Variants in TAB2 observed in about 807,000 individuals in gnomAD.
TAB2 encodes TGF-beta activated kinase 1 (MAP3K7) binding protein 2.
A neutral mutation model predicts 65.0 loss-of-function variants in TAB2; 3 were observed. That is an observed-to-expected ratio of 0.05 (90% CI 0.02 to 0.12). TAB2 has a LOEUF of 0.12. Ranked by LOEUF, TAB2 falls within the 10% of genes least tolerant of loss-of-function variation. The probability of loss-of-function intolerance (pLI) is 1.00; values close to 1 mark genes in which losing one functional copy is unlikely to be tolerated. For synonymous variants in TAB2, 298 were observed against 285.1 expected (o/e 1.05, Z -0.46); for missense variants, 623 against 840.3 (o/e 0.74, Z 3.20).
intron 1 of TAB2, among the ~76,000 whole-genome samples, chr6:149,294,620 A>G (rs1778842557): frequency 6.6e-6 from 1 of 152,270 alleles, no homozygotes; most frequent in African/African-American, 2.4e-5. Flanking sequence ...TCTTCCTCCT[A>G]TCTAATTCCA....
intron 1 of TAB2, chr6:149,246,435 A>G (rs1777719455): frequency 6.6e-6 from 1 of 152,176 alleles, no homozygotes; most frequent in South Asian, 2.1e-4. Flanking sequence ...CCACCTACCT[A>G]ATTTGCACCA....
rs946564596 is a variant in TAB2, at chr6:149,409,933, C to T, written c.*214C>T. The T allele has an allele frequency of 8.1e-6, 5 of 615,114 alleles. No homozygotes were observed. In the African/African-American group the frequency reaches 9.2e-5, roughly 11 times the overall value. The allele number at this position is 615,114 out of a possible 1,614,324, so 38.1% of individuals were successfully genotyped here. A position where few individuals can be genotyped will look rare whatever the true frequency, so the allele number is the denominator to read the frequency against. On this transcript the variant is annotated 3_prime_UTR_variant, in exon 7 of 7. Coordinates refer to ENST00000637181, the MANE Select transcript of TAB2 (RefSeq NM_001292034.3). ...AATTCATCACATGAAAAGTAATCTG[C>T]TGAAAGACTTGGTTGCCCACTGCCT...
Position 149,379,052 on chromosome 6 carries a change from G to C in TAB2, c.1137G>C (p.Leu379=). Residue 379 remains leucine (L), a synonymous_variant, in exon 3 of 7, where the codon CTG becomes CTC. Transcript: ENST00000637181. ...CCAGCCCCCCAAATACGGATGAGCT[G>C]ATGTCCCGTAGTCAACCTAAGGTCT... ...IAASPPNTDE[L]MSRSQPKVYI... 2 of 1,614,158 alleles carry C rather than the reference G, an allele frequency of 1.2e-6. No individual in the cohort carries two copies. Among genetic ancestry groups the C allele is most frequent in the Non-Finnish European group, 1.7e-6 (2 of 1,180,032 alleles).
chr6:149,367,283 CTG>C (rs1781070904), intron 1 of TAB2, among the ~76,000 whole-genome samples: 1 of 152,114 alleles, frequency 6.6e-6, no homozygotes, highest in African/African-American at 2.4e-5. Context: ...GTCAGGGAAA[CTG>C]TCTCTGAAGA....
chr6:149,258,376 C>G (rs1778084165), intron 1 of TAB2, among the ~76,000 whole-genome samples: 1 of 151,890 alleles, frequency 6.6e-6, no homozygotes, highest in Admixed American at 6.6e-5. Context: ...CACAATGGCT[C>G]TCACATGCCA....
chr6:149,343,036 G>A (rs1054717064), intron 1 of TAB2, among the ~76,000 whole-genome samples: 1 of 152,034 alleles, frequency 6.6e-6, no homozygotes, highest in African/African-American at 2.4e-5. Flanking sequence ...TTGTTTGCTA[G>A]TAGTAGCAAA....
At chr6:149,300,597 A>G (rs1467749722) in intron 1 of TAB2, among the ~76,000 whole-genome samples, 1 of 152,198 alleles carries the variant, frequency 6.6e-6, no homozygotes, top group Non-Finnish European at 1.5e-5. Context: ...ATCCTTGAGC[A>G]TAGCTTAGTG....
upstream of TAB2, among the ~76,000 whole-genome samples, chr6:149,316,990 G>C (rs1199079350): frequency 1.2e-3 from 181 of 151,250 alleles, no homozygotes; most frequent in Non-Finnish European, 7.4e-5. Context: ...CCCGGCGCCA[G>C]CCTCCGCCGC....
At chr6:149,355,914 T>A (rs1021917121) in intron 1 of TAB2, among the ~76,000 whole-genome samples, 1 of 151,740 alleles carries the variant, frequency 6.6e-6, no homozygotes, top group Non-Finnish European at 1.5e-5. Context: ...TAAAGAAACC[T>A]CCTTAACTTT....
chr6:149,362,205 C>T (rs964143693), intron 1 of TAB2, among the ~76,000 whole-genome samples: 1 of 152,206 alleles, frequency 6.6e-6, no homozygotes, highest in Non-Finnish European at 1.5e-5. Context: ...ACCATTCTTG[C>T]ATTGCTGTAA....
intron 6 of TAB2, among the ~76,000 whole-genome samples, chr6:149,406,198 C>T (rs1437434846): frequency 2.0e-5 from 3 of 152,108 alleles, no homozygotes; most frequent in African/African-American, 7.2e-5. Context: ...AATTTGTTCC[C>T]CATATGTTTG....
intron 1 of TAB2, among the ~76,000 whole-genome samples, chr6:149,295,469 T>C (rs1190013655): frequency 6.6e-6 from 1 of 152,182 alleles, no homozygotes; most frequent in African/African-American, 2.4e-5. Context: ...TACTACCTTT[T>C]CCCATGTCTC....
At chr6:149,287,085 C>G (rs563478980) in intron 1 of TAB2, among the ~76,000 whole-genome samples, 1 of 152,290 alleles carries the variant, frequency 6.6e-6, no homozygotes, top group East Asian at 1.9e-4. Context: ...CCACTGCACT[C>G]CAGCCTGAGT....
At chr6:149,376,352 G>A (rs1037131428) in intron 2 of TAB2, among the ~76,000 whole-genome samples, 1 of 152,046 alleles carries the variant, frequency 6.6e-6, no homozygotes, top group Non-Finnish European at 1.5e-5. Context: ...AAACTCTAGC[G>A]TGACTTATTT....
chr6:149,393,212 A>G (rs942448448), intron 3 of TAB2, among the ~76,000 whole-genome samples: 1 of 152,240 alleles, frequency 6.6e-6, no homozygotes, highest in Admixed American at 6.5e-5. Flanking sequence ...CCAACTAGGT[A>G]TGTCATTTCT....
intron 1 of TAB2, among the ~76,000 whole-genome samples, chr6:149,329,796 G>A (rs756472151): frequency 1.3e-5 from 2 of 152,052 alleles, no homozygotes; most frequent in Admixed American, 6.6e-5. Flanking sequence ...TCACCAAAGG[G>A]CTTTAAGATA....
intron 1 of TAB2, among the ~76,000 whole-genome samples, chr6:149,303,080 A>G (rs1778997599): frequency 6.6e-6 from 1 of 152,216 alleles, no homozygotes; most frequent in African/African-American, 2.4e-5. Context: ...ATCTGTCACT[A>G]TCTCCCATCA....
In TAB2 at chr6:149,289,538, G is replaced by A. The variant is rs551133221; in HGVS notation, c.-121+70762G>A. On this transcript the variant is annotated intron_variant, in intron 1 of 1. Transcript: ENST00000606202. ...ACAGGTGTTTCCCACATGCAGCCAC[G>A]TGGAGAATCACAGTCCTGCCTGACC... is the stretch of plus-strand genomic sequence containing the variant. 8.5e-5 allele frequency among the ~76,000 whole-genome samples: 13 copies of A among 152,314 alleles called. 1 individual carries two copies. The highest frequency in any genetic ancestry group is 4.1e-4 in the South Asian group (2 of 4,832).
At chr6:149,260,462 A>T (rs887592607) in intron 1 of TAB2, among the ~76,000 whole-genome samples, 1 of 152,168 alleles carries the variant, frequency 6.6e-6, no homozygotes, top group Non-Finnish European at 1.5e-5. Context: ...ATCACTCCTT[A>T]TACGTATTGC....
Sources: allele counts gnomAD v4.1 joint callset (sites outside exome capture counted in the v4.1 genomes callset), GRCh38; gene constraint gnomAD v4.1.1; transcripts MANE v1.5; gene names NCBI Gene and HGNC (gene_info 2026-07-23, HGNC 2026-07-21).